SEPTIN3: variants seen among roughly 807,000 people sequenced by gnomAD.
SEPTIN3 encodes the protein neuronal-specific septin-3.
A neutral mutation model predicts 45.1 loss-of-function variants in SEPTIN3; 15 were observed. The ratio of observed to expected loss-of-function variants is 0.33; its 90% confidence interval spans 0.22 to 0.51. The LOEUF is 0.51. Among genes scored for constraint, SEPTIN3 ranks in the 20% least tolerant of loss-of-function variants. SEPTIN3 has a pLI of 0.97. For missense variants in SEPTIN3, 289 were observed against 457.2 expected (o/e 0.63, Z 3.35); for synonymous variants, 148 against 164.8 (o/e 0.90, Z 0.78).
Position 41,997,189 on chromosome 22 carries a change from C to G in SEPTIN3, c.*222C>G. 1 of 773,988 alleles carries G rather than the reference C, an allele frequency of 1.3e-6. No individual in the cohort carries two copies. The highest frequency in any genetic ancestry group is 2.9e-5 in the East Asian group (1 of 34,830). The allele number at this position is 773,988 out of a possible 1,614,324, so 47.9% of individuals were successfully genotyped here. On this transcript the variant is annotated 3_prime_UTR_variant, in exon 12 of 12. Coordinates refer to ENST00000644076, the MANE Select transcript of SEPTIN3 (RefSeq NM_001363845.2). Reference sequence around the variant, plus strand: ...GTGGGGTTCTGCCAGTACAGCCCTACTGCATCATCTGCGTCAGCCGGTCCT... The same window carrying G: ...GTGGGGTTCTGCCAGTACAGCCCTAGTGCATCATCTGCGTCAGCCGGTCCT...
rs1368130707 is a variant in SEPTIN3 at position 41,997,939 on chromosome 22, CT to C, written c.*975del. 1 of 152,654 alleles carries C rather than the reference CT, an allele frequency of 6.6e-6. No individual in the cohort carries two copies. The highest frequency in any genetic ancestry group is 1.5e-5 in the Non-Finnish European group (1 of 68,044). The allele number at this position is 152,654 out of a possible 1,614,324, so 9.5% of individuals were successfully genotyped here. ...CACACTGTGTCTTTATAGAATTCCC[CT>C]TTGCCCACCCTCTTCCTGTCTCCAC... is the stretch of plus-strand genomic sequence containing the variant. On this transcript the variant is annotated 3_prime_UTR_variant, in exon 12 of 12. Transcript: ENST00000644076.
At chr22:41,996,161 C>A in intron 11 of SEPTIN3, 1 of 985,296 alleles carries the variant, frequency 1.0e-6, no homozygotes, top group Non-Finnish European at 1.2e-6. Flanking sequence ...TGTAGACATT[C>A]CCAATGATAC....
At chr22:41,985,711 T>G in intron 3 of SEPTIN3, 1 of 283,906 alleles carries the variant, frequency 3.5e-6, no homozygotes, top group Non-Finnish European at 6.8e-6. Flanking sequence ...ACACTAGACA[T>G]ATGCAGAGGT....
At position 41,971,669 on chromosome 22, in the gene SEPTIN3, C is replaced by T. The variant is rs760822386; in HGVS notation, c.177C>T (p.Phe59=). 2.5e-6 allele frequency: 1 copy of T among 399,110 alleles called. No homozygotes were observed. Among genetic ancestry groups the T allele is most frequent in the Non-Finnish European group, 4.4e-6 (1 of 226,168 alleles). The allele number at this position is 399,110 out of a possible 1,614,324, so 24.7% of individuals were successfully genotyped here. Reference sequence around the variant, plus strand: ...GGAAGACCATCCATCTGGATACCTTCCCCCAAAGCCATATCCCACAGACCT... The same window carrying T: ...GGAAGACCATCCATCTGGATACCTTTCCCCAAAGCCATATCCCACAGACCT... The part of the protein sequence containing the change: ...VLRKTIHLDT[F]PQSHIPQTSS... Residue 59 remains phenylalanine (F), a synonymous_variant, in exon 2 of 12, where the codon TTC becomes TTT. Coordinates refer to ENST00000644076, the MANE Select transcript of SEPTIN3 (RefSeq NM_001363845.2).
intron 3 of SEPTIN3, 42 bp from the exon 4 acceptor site, chr22:41,985,942 G>T: frequency 6.4e-7 from 1 of 1,564,456 alleles, no homozygotes; most frequent in Non-Finnish European, 8.7e-7. Context: ...CTCAGGAGGT[G>T]GATGCAGAGT....
intron 11 of SEPTIN3, 123 bp from the exon 12 acceptor site, chr22:41,996,779 C>G: frequency 6.5e-7 from 1 of 1,535,140 alleles, no homozygotes; most frequent in Non-Finnish European, 8.8e-7. Flanking sequence ...GTTGGAAAGG[C>G]TGAGTAGGAA....
intron 2 of SEPTIN3, 176 bp from the exon 3 acceptor site, chr22:41,981,469 C>T (rs1290302861): frequency 1.7e-6 from 1 of 574,876 alleles, no homozygotes; most frequent in African/African-American, 1.9e-5. Context: ...GTTCTTTCTC[C>T]TCCAGGCCTC....
At chr22:41,993,061 G>A (rs1382055223) in intron 9 of SEPTIN3, among the ~76,000 whole-genome samples, 1 of 152,218 alleles carries the variant, frequency 6.6e-6, no homozygotes, top group Non-Finnish European at 1.5e-5. Flanking sequence ...GAAGGGGGAT[G>A]TGATCTGACA....
intron 4 of SEPTIN3, 86 bp downstream of exon 4, chr22:41,986,198 A>G (rs2061064226): frequency 1.3e-6 from 2 of 1,514,592 alleles, no homozygotes; most frequent in African/African-American, 1.4e-5. Flanking sequence ...ATTGAAGAAT[A>G]AGATCAATAA....
At chr22:41,996,348 A>G in intron 11 of SEPTIN3, 4 of 985,434 alleles carry the variant, frequency 4.1e-6, no homozygotes, top group South Asian at 9.4e-5. Context: ...CACTAAGTGA[A>G]ACTGTTTACA....
At chr22:41,975,867 T>C (rs1569436109) in intron 2 of SEPTIN3, among the ~76,000 whole-genome samples, 1 of 152,152 alleles carries the variant, frequency 6.6e-6, no homozygotes, top group Non-Finnish European at 1.5e-5. Flanking sequence ...GACTCCCACA[T>C]TGAATGGCAG....
chr22:41,986,057 C>G lies in SEPTIN3; in HGVS notation c.1770C>G (p.Ser590Arg). 1 of 1,613,890 alleles carries G rather than the reference C, an allele frequency of 6.2e-7. No homozygotes were observed. The highest frequency in any genetic ancestry group is 8.5e-7 in the Non-Finnish European group (1 of 1,179,876). The change falls in exon 4 of 12, where the codon AGC becomes AGG. Residue 590 changes from serine to arginine, a missense_variant. By Grantham distance (110) the Ser-to-Arg change is moderately radical. Transcript: ENST00000644076. ...FKSQVSRKASSWNREEKIPKT... is the reference protein window; with the variant it reads ...FKSQVSRKASRWNREEKIPKT... ...CCCAAGTGAGCCGCAAGGCCTCCAG[C>G]TGGAACCGGGAGGAGAAGATCCCCA...
chr22:41,972,429 G>C lies in SEPTIN3; in HGVS notation c.937G>C (p.Val313Leu). The C allele has an allele frequency of 2.5e-6, 1 of 398,988 alleles. No homozygotes were observed. 24.7% of individuals were successfully genotyped at this position (398,988 alleles called of 1,614,324 possible). Reference protein sequence around the residue: ...KLGTARDLSSVGTVKSGKTVN... With the variant: ...KLGTARDLSSLGTVKSGKTVN... ...GGGCACAGCCAGAGACTTGTCTTCG[G>C]TAGGGACAGTCAAGTCAGGCAAAAC... Residue 313 changes from valine to leucine, a missense_variant, in exon 2 of 12, where the codon GTA becomes CTA. Physicochemically the swap from Val to Leu is conservative, Grantham distance 32. This residue lies in a region of SEPTIN3 where 200 missense variants were observed against 315.1 expected (regional missense o/e 0.63). Coordinates refer to ENST00000644076, the MANE Select transcript of SEPTIN3 (RefSeq NM_001363845.2).
intron 7 of SEPTIN3, among the ~76,000 whole-genome samples, chr22:41,990,229 A>G (rs1210265191): frequency 1.3e-5 from 2 of 151,506 alleles, no homozygotes; most frequent in African/African-American, 2.4e-5. Context: ...TCTTTTTAGT[A>G]GAGATGGGGT....
At chr22:41,981,539 C>G (rs2078120151) in intron 2 of SEPTIN3, 106 bp from the exon 3 acceptor site, 14 of 957,886 alleles carry the variant, frequency 1.5e-5, no homozygotes, top group South Asian at 1.7e-5. Context: ...CCCTTCCAGG[C>G]CCAACTTTGT....
At chr22:41,989,415 G>C (rs2146710870) in intron 6 of SEPTIN3, 152 bp from the exon 7 acceptor site, 4 of 634,120 alleles carry the variant, frequency 6.3e-6, no homozygotes, top group South Asian at 2.0e-5. Flanking sequence ...CAAGGCAGTG[G>C]GGCTGTGTCG....
intron 2 of SEPTIN3, among the ~76,000 whole-genome samples, chr22:41,980,438 T>C (rs574680712): frequency 6.6e-6 from 1 of 152,248 alleles, no homozygotes; most frequent in South Asian, 2.1e-4. Context: ...GCCCGGCCAT[T>C]GCTCAGTGCT....
At chr22:41,990,597 T>A (rs1188183946) in intron 7 of SEPTIN3, among the ~76,000 whole-genome samples, 1 of 148,204 alleles carries the variant, frequency 6.7e-6, no homozygotes, top group Non-Finnish European at 1.5e-5. Context: ...TACAAAAAAA[T>A]TAGCCGGGTG....
At chr22:41,973,091 C>T (rs5758525) in intron 2 of SEPTIN3, 95 bp downstream of exon 2, 1 of 397,546 alleles carries the variant, frequency 2.5e-6, no homozygotes, top group Non-Finnish European at 4.4e-6. Context: ...GGTTGAGAAA[C>T]GGAGGAAGGA....
Sources: allele counts gnomAD v4.1 joint callset (sites outside exome capture counted in the v4.1 genomes callset), GRCh38; gene constraint gnomAD v4.1.1; regional missense constraint gnomAD v4.1.1; transcripts MANE v1.5; gene names NCBI Gene and HGNC (gene_info 2026-07-23, HGNC 2026-07-21).